CRYBA4: variants seen among roughly 807,000 people sequenced by gnomAD.
The protein encoded by CRYBA4 is crystallin beta A4, also known as beta-crystallin A4.
In CRYBA4, 30 loss-of-function variants were observed where a neutral mutation model predicts 31.7. The ratio of observed to expected loss-of-function variants is 0.95; its 90% CI spans 0.71 to 1.28. The LOEUF is 1.28. Ranked by LOEUF, CRYBA4 falls within the 50% of genes most tolerant of loss-of-function variation. CRYBA4 has a pLI of 0.00. For synonymous variants in CRYBA4, 102 were observed against 102.3 expected, an observed-to-expected ratio of 1.00 and a Z score of 0.02; for missense variants, 225 against 260.7, an observed-to-expected ratio of 0.86 and a Z score of 0.94.
chr22:26,607,798 T>C, the CRYBA4 span: 2 of 1,581,158 alleles, frequency 1.3e-6, no homozygotes, highest in African/African-American at 2.7e-5. Context: ...CTACCCACCA[T>C]CATCTCCTTC....
chr22:26,591,265 G>A, the CRYBA4 span, among the ~76,000 whole-genome samples: 4 of 152,070 alleles, frequency 2.6e-5, no homozygotes, highest in Non-Finnish European at 5.9e-5. Context: ...GAGGTCAGGA[G>A]TTCGAGACCA....
chr22:26,595,536 G>C, the CRYBA4 span, among the ~76,000 whole-genome samples: 1 of 150,694 alleles, frequency 6.6e-6, no homozygotes. Context: ...CCAAGATCGG[G>C]CCATTGCACT....
At chr22:26,628,716 G>A (rs1929827442) in intron 5 of CRYBA4, among the ~76,000 whole-genome samples, 1 of 152,124 alleles carries the variant, frequency 6.6e-6, no homozygotes, top group Admixed American at 6.5e-5. Flanking sequence ...CCAACCTGTT[G>A]CCCTGCCTGC....
At chr22:26,602,984 G>C in the CRYBA4 span, among the ~76,000 whole-genome samples, 1 of 151,890 alleles carries the variant, frequency 6.6e-6, no homozygotes, top group Non-Finnish European at 1.5e-5. Flanking sequence ...AATTAGCCGG[G>C]CGTGGTGGTG....
intron 2 of CRYBA4, among the ~76,000 whole-genome samples, chr22:26,622,849 G>T (rs1478509870): frequency 6.6e-6 from 1 of 152,342 alleles, no homozygotes; most frequent in South Asian, 2.1e-4. Flanking sequence ...CTTTGGCAGA[G>T]GTTGCAGTCT....
intron 3 of CRYBA4, 64 bp downstream of exon 3, chr22:26,623,416 C>A: frequency 7.5e-7 from 1 of 1,326,692 alleles, no homozygotes; most frequent in Non-Finnish European, 1.1e-6. Flanking sequence ...GAGACGGGTG[C>A]TAGGACTTTT....
chr22:26,618,755 C>T (rs138515050), upstream of CRYBA4, among the ~76,000 whole-genome samples: 13 of 152,312 alleles, frequency 8.5e-5, no homozygotes, highest in African/African-American at 3.1e-4. Context: ...GGCCCCCTGG[C>T]CTGACTTCCT....
At chr22:26,619,421 C>T (rs977482682), upstream of CRYBA4, among the ~76,000 whole-genome samples, 10 of 152,142 alleles carry the variant, frequency 6.6e-5, no homozygotes, top group African/African-American at 2.4e-4. Context: ...AGTCACATGG[C>T]GGGAACTCAC....
chr22:26,627,497 TTTCTTTC>T (rs748450594), intron 4 of CRYBA4, among the ~76,000 whole-genome samples: 6,320 of 17,330 alleles, frequency 0.36, 745 homozygotes, highest in East Asian at 0.5. Context: ...CTTTTCTTTC[TTTCTTTC>T]TTTCTTTCTT....
chr22:26,630,545 A>G lies in CRYBA4; in HGVS notation c.*58A>G. On this transcript the variant is annotated 3_prime_UTR_variant, in exon 6 of 6. Coordinates refer to ENST00000354760, the MANE Select transcript of CRYBA4 (RefSeq NM_001886.3). Reference sequence around the variant, plus strand: ...CTTATCTGCAATGGAGGCGCTCTGGAGGCTGTGGTGTGTTCTCTCCTTCTG... The same window carrying G: ...CTTATCTGCAATGGAGGCGCTCTGGGGGCTGTGGTGTGTTCTCTCCTTCTG... 1 of 1,499,672 alleles carries G rather than the reference A, an allele frequency of 6.7e-7. No individual in the cohort carries two copies. The highest frequency in any genetic ancestry group is 9.1e-7 in the Non-Finnish European group (1 of 1,095,774). The allele number at this position is 1,499,672 out of a possible 1,614,324, so 92.9% of individuals were successfully genotyped here.
Position 26,622,050 on chromosome 22 carries a change from G to A in CRYBA4, c.-13+64G>A, listed in dbSNP as rs181955639. The A allele has an allele frequency of 1.0e-5, 9 of 890,202 alleles. No homozygotes were observed. The East Asian group carries it at 1.1e-3, about 105-fold the overall frequency. 55.1% of individuals were successfully genotyped at this position (890,202 alleles called of 1,614,324 possible). ...CTGAGTGAGCATTCTGGGAGGCGAGGAACCCAGGTCCCCAGTCCTAGGGAT... is the reference window on the plus strand; with the variant it reads ...CTGAGTGAGCATTCTGGGAGGCGAGAAACCCAGGTCCCCAGTCCTAGGGAT... On this transcript the variant is annotated intron_variant, in intron 1 of 5. Coordinates refer to ENST00000354760, the MANE Select transcript of CRYBA4 (RefSeq NM_001886.3).
At chr22:26,621,310 G>C (rs1929522420), upstream of CRYBA4, among the ~76,000 whole-genome samples, 1 of 152,206 alleles carries the variant, frequency 6.6e-6, no homozygotes, top group Non-Finnish European at 1.5e-5. Flanking sequence ...CTTCCCTTCA[G>C]GTCCCCTGAG....
chr22:26,611,665 G>A, the CRYBA4 span, among the ~76,000 whole-genome samples: 1 of 151,796 alleles, frequency 6.6e-6, no homozygotes, highest in African/African-American at 2.4e-5. Context: ...TAGTAGAGAC[G>A]GGGTTTCACC....
At chr22:26,624,258 C>A (rs748965832) in intron 3 of CRYBA4, among the ~76,000 whole-genome samples, 4 of 148,396 alleles carry the variant, frequency 2.7e-5, no homozygotes, top group Non-Finnish European at 4.4e-5. Context: ...AGCTACCATA[C>A]TGGATAAAAG....
At chr22:26,627,399 TC>T (rs1462011053) in intron 4 of CRYBA4, among the ~76,000 whole-genome samples, 1 of 93,436 alleles carries the variant, frequency 1.1e-5, no homozygotes, top group African/African-American at 6.8e-5. Context: ...TTTCTTTCTT[TC>T]TTTCTTTCTT....
the CRYBA4 span, chr22:26,602,007 G>A: frequency 1.2e-6 from 2 of 1,613,658 alleles, no homozygotes; most frequent in Non-Finnish European, 1.7e-6. Context: ...GGGAGATTTT[G>A]TGCTCCTGGG....
At chr22:26,594,552 G>A in the CRYBA4 span, among the ~76,000 whole-genome samples, 1 of 152,226 alleles carries the variant, frequency 6.6e-6, no homozygotes, top group Admixed American at 6.5e-5. Context: ...ACAATATGAA[G>A]TCCCCAGTTT....
chr22:26,627,943 G>A (rs899570179), intron 4 of CRYBA4, among the ~76,000 whole-genome samples: 3 of 151,978 alleles, frequency 2.0e-5, no homozygotes, highest in East Asian at 1.9e-4. Context: ...CCACCGCGCC[G>A]GGCCTCTACA....
At chr22:26,597,087 AGT>A in the CRYBA4 span, among the ~76,000 whole-genome samples, 1 of 152,306 alleles carries the variant, frequency 6.6e-6, no homozygotes, top group East Asian at 1.9e-4. Context: ...AGGGAAGGTG[AGT>A]GAGACCTGTC....
Sources: allele counts gnomAD v4.1 joint callset (sites outside exome capture counted in the v4.1 genomes callset), GRCh38; gene constraint gnomAD v4.1.1; transcripts MANE v1.5; gene names NCBI Gene and HGNC (gene_info 2026-07-23, HGNC 2026-07-21).